NTM: variants seen among roughly 807,000 people sequenced by gnomAD.
NTM encodes the protein neurotrimin.
NTM carries 13 observed loss-of-function variants against 42.1 expected under a neutral mutation model. That is an observed-to-expected ratio of 0.31 (90% CI 0.20 to 0.49). NTM has a LOEUF of 0.49. Among genes scored for constraint, NTM ranks in the 20% least tolerant of loss-of-function variants. The pLI, the probability that NTM is intolerant of heterozygous loss-of-function variation, is 0.99. For missense variants in NTM, 373 were observed against 452.8 expected, an observed-to-expected ratio of 0.82 and a Z score of 1.60; for synonymous variants, 187 against 179.2, an observed-to-expected ratio of 1.04 and a Z score of -0.35.
chr11:131,510,787 T>C (rs1217644773), intron 1 of NTM, among the ~76,000 whole-genome samples: 4 of 152,180 alleles, frequency 2.6e-5, no homozygotes, highest in Non-Finnish European at 5.9e-5. Context: ...TGTGCCCCAG[T>C]TGGAGTCCAC....
At chr11:131,401,832 A>ATATATATATATATGTG (rs1945240359) in intron 1 of NTM, among the ~76,000 whole-genome samples, 2 of 82,238 alleles carry the variant, frequency 2.4e-5, no homozygotes, top group Non-Finnish European at 5.0e-5. Flanking sequence ...ATATATATAT[A>ATATATATATATATGTG]TATATATATA....
intron 3 of NTM, among the ~76,000 whole-genome samples, chr11:132,193,307 C>T (rs896960637): frequency 6.6e-6 from 1 of 152,094 alleles, no homozygotes; most frequent in Non-Finnish European, 1.5e-5. Context: ...CAACCATACT[C>T]TCAGACCACA....
chr11:132,167,760 GAT>G (rs2075503950), intron 3 of NTM, among the ~76,000 whole-genome samples: 1 of 152,164 alleles, frequency 6.6e-6, no homozygotes, highest in Admixed American at 6.5e-5. Flanking sequence ...GTTCAAGGTG[GAT>G]ATGTGTAACC....
chr11:132,315,684 C>T (rs2095410481), intron 7 of NTM, among the ~76,000 whole-genome samples: 1 of 152,126 alleles, frequency 6.6e-6, no homozygotes, highest in African/African-American at 2.4e-5. Context: ...TCGGTGCTAG[C>T]GTATGTGGCT....
intron 1 of NTM, among the ~76,000 whole-genome samples, chr11:131,789,881 G>A (rs533963275): frequency 8.0e-5 from 12 of 149,280 alleles, no homozygotes; most frequent in African/African-American, 1.7e-4. Flanking sequence ...GCGTGAACCC[G>A]GGAGGCGGAG....
chr11:132,130,844 C>T (rs1466146929), intron 2 of NTM, among the ~76,000 whole-genome samples: 1 of 152,176 alleles, frequency 6.6e-6, no homozygotes, highest in Non-Finnish European at 1.5e-5. Flanking sequence ...ACGGCTGAGG[C>T]CGCATAGACA....
chr11:131,403,346 T>C (rs1185912289), intron 1 of NTM, among the ~76,000 whole-genome samples: 1 of 152,194 alleles, frequency 6.6e-6, no homozygotes, highest in African/African-American at 2.4e-5. Context: ...CCTTACTTTC[T>C]ATAGATGCTT....
chr11:131,672,522 A>G (rs789535), intron 1 of NTM, among the ~76,000 whole-genome samples: 122,251 of 152,204 alleles, frequency 0.8, 49,304 homozygotes, highest in African/African-American at 0.87. Context: ...ATTCCAGGCC[A>G]TTCTCTTCGG....
intron 1 of NTM, among the ~76,000 whole-genome samples, chr11:131,752,409 G>A (rs1423815854): frequency 6.6e-6 from 1 of 152,182 alleles, no homozygotes; most frequent in African/African-American, 2.4e-5. Context: ...GAGAGGATGT[G>A]GAGAAATAGG....
chr11:132,118,901 A>G (rs2064291264), intron 2 of NTM, among the ~76,000 whole-genome samples: 1 of 152,140 alleles, frequency 6.6e-6, no homozygotes, highest in African/African-American at 2.4e-5. Flanking sequence ...GAAATGAAAT[A>G]TATTTTAAGG....
At chr11:131,886,887 G>A (rs1406124205) in intron 1 of NTM, among the ~76,000 whole-genome samples, 1 of 152,192 alleles carries the variant, frequency 6.6e-6, no homozygotes, top group Admixed American at 6.5e-5. Flanking sequence ...CATTGATAGA[G>A]TGCCTACTGT....
At chr11:131,707,625 G>A (rs1188386786) in intron 1 of NTM, among the ~76,000 whole-genome samples, 1 of 151,998 alleles carries the variant, frequency 6.6e-6, no homozygotes. Flanking sequence ...GTGTTCAAGT[G>A]TTCTCTTTTC....
chr11:132,317,784 T>C, intron 7 of NTM: 1 of 695,428 alleles, frequency 1.4e-6, no homozygotes, highest in Non-Finnish European at 2.3e-6. Context: ...CACTTGTCTG[T>C]AAAGTGTCTT....
At chr11:132,240,023 C>T (rs548105010) in intron 4 of NTM, among the ~76,000 whole-genome samples, 1 of 151,184 alleles carries the variant, frequency 6.6e-6, no homozygotes, top group South Asian at 2.1e-4. Context: ...ACCACCCATC[C>T]ATCCATTCAT....
At chr11:131,981,475 A>T (rs1189054233) in intron 2 of NTM, 3 of 152,160 alleles carry the variant, frequency 2.0e-5, no homozygotes, top group Non-Finnish European at 1.5e-5. Flanking sequence ...CAACTGAGGG[A>T]TGATTCATTG....
chr11:132,007,610 A>G (rs1052604719), intron 2 of NTM, among the ~76,000 whole-genome samples: 4 of 152,222 alleles, frequency 2.6e-5, no homozygotes, highest in African/African-American at 7.2e-5. Flanking sequence ...AAGTCATATC[A>G]TAAGTGCATC....
chr11:131,525,049 A>G (rs1207962246), intron 1 of NTM, among the ~76,000 whole-genome samples: 1 of 151,860 alleles, frequency 6.6e-6, no homozygotes, highest in African/African-American at 2.4e-5. Flanking sequence ...TGAATGGAGT[A>G]AGGGGGCAGT....
At chr11:131,601,610 C>G (rs2060494017) in intron 1 of NTM, among the ~76,000 whole-genome samples, 2 of 151,708 alleles carry the variant, frequency 1.3e-5, no homozygotes, top group Admixed American at 6.6e-5. Context: ...TAAGGCAGCC[C>G]CAGGAAGCCT....
intron 2 of NTM, among the ~76,000 whole-genome samples, chr11:132,044,048 GTATGTGTGTA>G (rs939367897): frequency 3.5e-5 from 5 of 142,786 alleles, no homozygotes; most frequent in Admixed American, 1.4e-4. Context: ...ATGTGTATGG[GTATGTGTGTA>G]TGTGTGTGTA....
Sources: gnomAD v4.1 joint callset for allele counts (sites outside exome capture counted in the v4.1 genomes callset) on GRCh38, gnomAD v4.1.1 for gene constraint, MANE v1.5 for transcripts, NCBI Gene and HGNC (gene_info 2026-07-23, HGNC 2026-07-21) for gene names.